NAALADL2: variants seen among roughly 807,000 people sequenced by gnomAD.
NAALADL2 encodes the protein inactive N-acetylated-alpha-linked acidic dipeptidase-like protein 2.
Under a neutral mutation model 87.2 loss-of-function variants are expected in NAALADL2, and 76 were observed. That is an observed-to-expected ratio of 0.87 (90% confidence interval 0.72 to 1.05). The LOEUF (loss-of-function observed/expected upper bound fraction) is 1.05, where lower values mean the gene tolerates loss of function less well. Among genes scored for constraint, NAALADL2 ranks in the 50% least tolerant of loss-of-function variants. The pLI is 0.00. For missense variants in NAALADL2, 1,089 were observed against 945.8 expected (o/e 1.15, Z -1.99); for synonymous variants, 354 against 331.0 (o/e 1.07, Z -0.75).
At chr3:175,501,443 A>ACACACACACACACACACACACACAC (rs1560661514) in intron 9 of NAALADL2, among the ~76,000 whole-genome samples, 1 of 151,912 alleles carries the variant, frequency 6.6e-6, no homozygotes, top group East Asian at 1.9e-4. Context: ...ACACACACAC[A>ACACACACACACACACACACACACAC]AAGGCAGCAT....
chr3:174,563,000 A>T (rs73042620), intron 2 of NAALADL2, among the ~76,000 whole-genome samples: 2,767 of 152,216 alleles, frequency 0.018, 75 homozygotes, highest in African/African-American at 0.063. Flanking sequence ...ATACTTTAAG[A>T]TGTAACAACA....
In NAALADL2 at chr3:175,152,252, G is replaced by A. The variant is rs543192163; in HGVS notation, c.545+54961G>A. The stretch of plus-strand genomic sequence containing the variant: ...TCTGTAAGAAAAATAGCAACATTCC[G>A]TTGTGTTTCTGAGATCATAGATCTA... On this transcript the variant is annotated intron_variant, in intron 2 of 13. Coordinates refer to ENST00000454872, the MANE Select transcript of NAALADL2 (RefSeq NM_207015.3). Among the ~76,000 whole-genome samples the A allele has an allele frequency of 2.4e-4, 36 of 152,188 alleles. No homozygotes were observed. The South Asian group carries it at 2.5e-3, about 11-fold the overall frequency.
intron 2 of NAALADL2, chr3:175,124,554 A>T (rs142461014): frequency 6.6e-6 from 1 of 151,956 alleles, no homozygotes; most frequent in South Asian, 2.1e-4. Context: ...TTCATTTTAC[A>T]TTGGGCATAT....
chr3:175,675,669 A>G (rs996861777), intron 11 of NAALADL2: 2 of 152,170 alleles, frequency 1.3e-5, no homozygotes, highest in Non-Finnish European at 2.9e-5. Flanking sequence ...TATCTGTAGC[A>G]ATCGGAATAG....
At chr3:175,378,891 C>T (rs1767463580) in intron 5 of NAALADL2, among the ~76,000 whole-genome samples, 1 of 152,164 alleles carries the variant, frequency 6.6e-6, no homozygotes, top group Non-Finnish European at 1.5e-5. Context: ...AAATGCAGGA[C>T]ATCACAGTTA....
chr3:174,819,701 G>C (rs1223313148), intron 3 of NAALADL2, among the ~76,000 whole-genome samples: 4 of 151,974 alleles, frequency 2.6e-5, no homozygotes, highest in East Asian at 3.9e-4. Flanking sequence ...TATAATTTTT[G>C]TATGAAGGTA....
intron 1 of NAALADL2, among the ~76,000 whole-genome samples, chr3:175,092,995 A>T (rs1485563136): frequency 6.6e-6 from 1 of 151,930 alleles, no homozygotes; most frequent in African/African-American, 2.4e-5. Context: ...AAGTTTCTAT[A>T]AATTCCTCTA....
chr3:175,324,527 T>C (rs1358246931), intron 5 of NAALADL2, among the ~76,000 whole-genome samples: 1 of 152,256 alleles, frequency 6.6e-6, no homozygotes, highest in African/African-American at 2.4e-5. Context: ...TAGACTGTAA[T>C]GTATTTTTAT....
At chr3:174,703,491 G>C (rs1191758624) in intron 2 of NAALADL2, among the ~76,000 whole-genome samples, 4 of 152,066 alleles carry the variant, frequency 2.6e-5, no homozygotes, top group African/African-American at 4.8e-5. Context: ...GAGAGTTTAG[G>C]ATACATAGTG....
intron 1 of NAALADL2, among the ~76,000 whole-genome samples, chr3:174,446,904 G>A (rs1715094972): frequency 6.6e-6 from 1 of 152,146 alleles, no homozygotes; most frequent in Non-Finnish European, 1.5e-5. Flanking sequence ...GATCTGATGA[G>A]AAGATGAAGA....
At chr3:174,707,172 T>C (rs1730156154) in intron 2 of NAALADL2, among the ~76,000 whole-genome samples, 1 of 152,100 alleles carries the variant, frequency 6.6e-6, no homozygotes, top group Admixed American at 6.6e-5. Context: ...TGTGGAGAAA[T>C]TGGAACACTT....
At chr3:175,205,867 C>G (rs1285872726) in intron 2 of NAALADL2, among the ~76,000 whole-genome samples, 1 of 151,698 alleles carries the variant, frequency 6.6e-6, no homozygotes. Flanking sequence ...CACTAATGAT[C>G]AGGGAAATGC....
chr3:175,549,427 G>T (rs1382442849), intron 9 of NAALADL2, among the ~76,000 whole-genome samples: 1 of 151,546 alleles, frequency 6.6e-6, no homozygotes, highest in South Asian at 2.1e-4. Flanking sequence ...TATTATTTTG[G>T]TCTATATGAA....
chr3:175,120,280 G>A (rs1432454533), intron 2 of NAALADL2, among the ~76,000 whole-genome samples: 1 of 151,690 alleles, frequency 6.6e-6, no homozygotes, highest in Non-Finnish European at 1.5e-5. Context: ...GGAGTATAAT[G>A]TAATTAAAAC....
At chr3:174,845,365 G>T (rs1293817517) in intron 3 of NAALADL2, among the ~76,000 whole-genome samples, 2 of 152,180 alleles carry the variant, frequency 1.3e-5, no homozygotes, top group Non-Finnish European at 2.9e-5. Context: ...GTAGGCTGGG[G>T]CCACCTTCAG....
At chr3:174,781,450 T>C (rs1183360296) in intron 3 of NAALADL2, among the ~76,000 whole-genome samples, 1 of 151,470 alleles carries the variant, frequency 6.6e-6, no homozygotes, top group African/African-American at 2.4e-5. Context: ...CTCAAAGTGA[T>C]GGGGAGAATG....
intron 9 of NAALADL2, among the ~76,000 whole-genome samples, chr3:175,474,298 T>A (rs1377667463): frequency 6.6e-6 from 1 of 152,216 alleles, no homozygotes. Flanking sequence ...ATCTTTAAAG[T>A]ATTATTATGA....
chr3:174,854,706 A>T (rs1464385670), upstream of NAALADL2, among the ~76,000 whole-genome samples: 1 of 152,162 alleles, frequency 6.6e-6, no homozygotes, highest in Admixed American at 6.5e-5. Flanking sequence ...TTAAAGAATA[A>T]AAATGACAAA....
intron 1 of NAALADL2, among the ~76,000 whole-genome samples, chr3:174,541,129 T>G (rs1036416755): frequency 2.6e-5 from 4 of 152,190 alleles, no homozygotes; most frequent in African/African-American, 9.7e-5. Context: ...AACTGAATAT[T>G]TATCCCTGAA....
Sources: allele counts gnomAD v4.1 joint callset (sites outside exome capture counted in the v4.1 genomes callset), GRCh38; gene constraint gnomAD v4.1.1; transcripts MANE v1.5; gene names NCBI Gene and HGNC (gene_info 2026-07-23, HGNC 2026-07-21).